Variants in STAT1 observed in about 807,000 individuals in gnomAD.
STAT1 encodes signal transducer and activator of transcription 1-alpha/beta.
Under a neutral mutation model 111.7 loss-of-function variants are expected in STAT1, and 24 were observed. The observed-to-expected ratio is 0.21, with a 90% CI of 0.16 to 0.30. STAT1 has a LOEUF of 0.30. Among genes scored for constraint, STAT1 ranks in the 10% least tolerant of loss-of-function variants. The pLI is 1.00. For synonymous variants in STAT1, 332 were observed against 326.5 expected, an observed-to-expected ratio of 1.02 and a Z score of -0.18; for missense variants, 351 against 911.9, an observed-to-expected ratio of 0.38 and a Z score of 7.92.
rs1351781914 is a variant in STAT1, at chr2:190,997,744, T to A, written c.785+112A>T. 52 of 1,497,098 alleles carry A rather than the reference T, an allele frequency of 3.5e-5. No individual in the cohort carries two copies. The highest frequency in any genetic ancestry group is 3.7e-6 in the Non-Finnish European group (4 of 1,087,626). 92.7% of individuals were successfully genotyped at this position (1,497,098 alleles called of 1,614,324 possible). A position where few individuals can be genotyped will look rare whatever the true frequency, so the allele number is the denominator to read the frequency against. On this transcript the variant is annotated intron_variant, in intron 9 of 24. Coordinates refer to ENST00000361099, the MANE Select transcript of STAT1 (RefSeq NM_007315.4). The surrounding 1 kb of genome is among the most constrained non-coding windows in gnomAD (Gnocchi z 7.3). Reference sequence around the variant, plus strand: ...AAGCAGAAGCTGGACTATGTCAAACTCTATACTAATGTTTTGACAGGGTCC... The same window carrying A: ...AAGCAGAAGCTGGACTATGTCAAACACTATACTAATGTTTTGACAGGGTCC...
In STAT1 at chr2:191,003,825, C is replaced by T. The variant is rs1224856010; in HGVS notation, c.373-2662G>A. On this transcript the variant is annotated intron_variant, in intron 5 of 24. Coordinates refer to ENST00000361099, the MANE Select transcript of STAT1 (RefSeq NM_007315.4). This position sits in a 1 kb window ranked among gnomAD's most constrained non-coding sequence, Gnocchi z 4.0. ...GCCAGCAGGATGTGGGCACGGTGTC[C>T]TGTGGGCTTTGTAACAGCTGGGACA... Among the ~76,000 whole-genome samples the T allele has an allele frequency of 6.6e-6, 1 of 152,152 alleles. No individual in the cohort carries two copies. Among genetic ancestry groups the T allele is most frequent in the East Asian group, 1.9e-4 (1 of 5,198 alleles).
Position 190,996,301 on chromosome 2 carries a change from T to C in STAT1, c.786-1082A>G, listed in dbSNP as rs930824408. Among the ~76,000 whole-genome samples the C allele has an allele frequency of 5.9e-5, 9 of 152,232 alleles. No homozygotes were observed. The highest frequency in any genetic ancestry group is 1.3e-4 in the Non-Finnish European group (9 of 68,034). ...AGAAGAAAACCTTTTAAAAGTGTCT[T>C]CTTCCCTGGGAAAAGTATCTACTTC... On this transcript the variant is annotated intron_variant, in intron 9 of 24. Coordinates refer to ENST00000361099, the MANE Select transcript of STAT1 (RefSeq NM_007315.4). The surrounding 1 kb of genome is among the most constrained non-coding windows in gnomAD (Gnocchi z 4.5).
Position 190,975,610 on chromosome 2 carries a change from CA to C in STAT1, c.2135+201del. The C allele has an allele frequency of 7.0e-7, 1 of 1,418,700 alleles. No homozygotes were observed. Among genetic ancestry groups the C allele is most frequent in the South Asian group, 1.5e-5 (1 of 66,342 alleles). 87.9% of individuals were successfully genotyped at this position (1,418,700 alleles called of 1,614,324 possible). On this transcript the variant is annotated intron_variant, in intron 23 of 24. Transcript: ENST00000361099. The surrounding 1 kb of genome is among the most constrained non-coding windows in gnomAD (Gnocchi z 5.9). ...TGGGAAAATTTATATACCTTAAATA[CA>C]AATTTGGTTTTTGGCTTTTTTTTTT...
rs1419444352 is a variant in STAT1, at chr2:191,003,164, A to G, written c.373-2001T>C. On this transcript the variant is annotated intron_variant, in intron 5 of 24. Transcript: ENST00000361099. This position sits in a 1 kb window ranked among gnomAD's most constrained non-coding sequence, Gnocchi z 4.0. ...CATAGGAAGTTTTCCTTCATGTTAC[A>G]TATTCTCCAACAGCAGAAGTTCAAA... Among the ~76,000 whole-genome samples the G allele has an allele frequency of 1.3e-5, 2 of 152,220 alleles. No individual in the cohort carries two copies. The highest frequency in any genetic ancestry group is 2.9e-5 in the Non-Finnish European group (2 of 68,042).
Position 190,987,424 on chromosome 2 carries a change from G to A in STAT1, c.1098-356C>T, listed in dbSNP as rs1054759427. Among the ~76,000 whole-genome samples, 2 of 152,206 alleles carry A rather than the reference G, an allele frequency of 1.3e-5. No homozygotes were observed. The highest frequency in any genetic ancestry group is 2.9e-5 in the Non-Finnish European group (2 of 68,040). On this transcript the variant is annotated intron_variant, in intron 12 of 24. Coordinates refer to ENST00000361099, the MANE Select transcript of STAT1 (RefSeq NM_007315.4). This position sits in a 1 kb window ranked among gnomAD's most constrained non-coding sequence, Gnocchi z 4.0. ...CAGCACCAGTACACCCTCAATAAATGTTTAAGCTATCGTTATTGTTTATTG... is the reference window on the plus strand; with the variant it reads ...CAGCACCAGTACACCCTCAATAAATATTTAAGCTATCGTTATTGTTTATTG...
In STAT1 at chr2:190,971,497, CA is replaced by C. The variant is rs1691459045; in HGVS notation, c.2239-781del. Among the ~76,000 whole-genome samples, 1 of 152,114 alleles carries C rather than the reference CA, an allele frequency of 6.6e-6. No homozygotes were observed. Among genetic ancestry groups the C allele is most frequent in the Non-Finnish European group, 1.5e-5 (1 of 68,018 alleles). ...AGCTCCCCACCCCACCAATCCCCAA[CA>C]AATAATTCTGAAGCCCCGAATACCA... On this transcript the variant is annotated intron_variant, in intron 24 of 24. Transcript: ENST00000361099. This position sits in a 1 kb window ranked among gnomAD's most constrained non-coding sequence, Gnocchi z 4.1.
Position 190,998,193 on chromosome 2 carries a change from C to G in STAT1, c.633+24G>C, listed in dbSNP as rs1339847680. 11 of 1,600,116 alleles carry G rather than the reference C, an allele frequency of 6.9e-6. No individual in the cohort carries two copies. The highest frequency in any genetic ancestry group is 1.7e-5 in the Admixed American group (1 of 59,996). Reference sequence around the variant, plus strand: ...TACAGTGTATAACAAAAGTGGCATGCTATTCTGGAAAGTAAATAACTACCT... The same window carrying G: ...TACAGTGTATAACAAAAGTGGCATGGTATTCTGGAAAGTAAATAACTACCT... On this transcript the variant is annotated intron_variant, in intron 8 of 24. Coordinates refer to ENST00000361099, the MANE Select transcript of STAT1 (RefSeq NM_007315.4). This position sits in a 1 kb window ranked among gnomAD's most constrained non-coding sequence, Gnocchi z 4.1.
intron 2 of STAT1, among the ~76,000 whole-genome samples, chr2:191,011,909 C>T (rs1252641368): frequency 6.6e-6 from 1 of 151,896 alleles, no homozygotes; most frequent in Non-Finnish European, 1.5e-5. Context: ...AGCCAAGAAG[C>T]CTGGCTAATT....
chr2:190,975,514 A>G lies in STAT1; in HGVS notation c.2135+298T>C, dbSNP rs1691838655. The G allele has an allele frequency of 8.1e-7, 1 of 1,231,120 alleles. No homozygotes were observed. The highest frequency in any genetic ancestry group is 3.8e-5 in the East Asian group (1 of 26,642). The allele number at this position is 1,231,120 out of a possible 1,614,324, so 76.3% of individuals were successfully genotyped here. A position where few individuals can be genotyped will look rare whatever the true frequency, so the allele number is the denominator to read the frequency against. On this transcript the variant is annotated intron_variant, in intron 23 of 24. Coordinates refer to ENST00000361099, the MANE Select transcript of STAT1 (RefSeq NM_007315.4). This position sits in a 1 kb window ranked among gnomAD's most constrained non-coding sequence, Gnocchi z 5.9. ...CATTACTTTGGCCTTTTCTAGATTG[A>G]AAAGAACTACTTTCCCACTCTGATC...
chr2:190,975,890 A>G lies in STAT1; in HGVS notation c.2060-3T>C. 6.2e-7 allele frequency: 1 copy of G among 1,610,820 alleles called. No individual in the cohort carries two copies. The highest frequency in any genetic ancestry group is 1.1e-5 in the South Asian group (1 of 91,006). ...ATCAAGTTCCATTGGCTCTGGTGCTAGAAATAAACACATTGTGTACGCTTT... is the reference window on the plus strand; with the variant it reads ...ATCAAGTTCCATTGGCTCTGGTGCTGGAAATAAACACATTGTGTACGCTTT... On this transcript the variant is annotated splice_region_variant and splice_polypyrimidine_tract_variant and intron_variant, in intron 22 of 24. Coordinates refer to ENST00000361099, the MANE Select transcript of STAT1 (RefSeq NM_007315.4). This position sits in a 1 kb window ranked among gnomAD's most constrained non-coding sequence, Gnocchi z 5.9.
rs1436696005 is a variant in STAT1 at position 191,006,591 on chromosome 2, G to A, written c.372+972C>T. Among the ~76,000 whole-genome samples, 1 of 152,186 alleles carries A rather than the reference G, an allele frequency of 6.6e-6. No individual in the cohort carries two copies. Among genetic ancestry groups the A allele is most frequent in the South Asian group, 2.1e-4 (1 of 4,834 alleles). Reference sequence around the variant, plus strand: ...GTTATTTGTTGGTGAAATGCACACAGGATGCATACTGTGTCCTCTGGCATC... The same window carrying A: ...GTTATTTGTTGGTGAAATGCACACAAGATGCATACTGTGTCCTCTGGCATC... On this transcript the variant is annotated intron_variant, in intron 5 of 24. Coordinates refer to ENST00000361099, the MANE Select transcript of STAT1 (RefSeq NM_007315.4). This position sits in a 1 kb window ranked among gnomAD's most constrained non-coding sequence, Gnocchi z 4.6.
rs563049662 is a variant in STAT1, at chr2:190,993,594, G to A, written c.944+1467C>T. The A allele has an allele frequency of 1.7e-5, 10 of 593,074 alleles. No homozygotes were observed. Among genetic ancestry groups the A allele is most frequent in the Non-Finnish European group, 3.0e-5 (9 of 305,046 alleles). 36.7% of individuals were successfully genotyped at this position (593,074 alleles called of 1,614,324 possible). On this transcript the variant is annotated intron_variant, in intron 10 of 24. Coordinates refer to ENST00000361099, the MANE Select transcript of STAT1 (RefSeq NM_007315.4). The surrounding 1 kb of genome is among the most constrained non-coding windows in gnomAD (Gnocchi z 4.1). ...TCACTGTAGCTGCCACCGCTGCCACGGCCACCCTTGCTGCTACAGCTGCTG... is the reference window on the plus strand; with the variant it reads ...TCACTGTAGCTGCCACCGCTGCCACAGCCACCCTTGCTGCTACAGCTGCTG...
At chr2:191,010,431 T>C in intron 2 of STAT1, 1 of 470,162 alleles carries the variant, frequency 2.1e-6, no homozygotes, top group Non-Finnish European at 4.4e-6. Context: ...GGTGGAGGAT[T>C]CTGTGCACTG....
At chr2:191,010,039 A>G in intron 2 of STAT1, 35 bp from the exon 3 acceptor site, 1 of 1,612,314 alleles carries the variant, frequency 6.2e-7, no homozygotes. Context: ...CTTTCTATGT[A>G]TATGGAAACC....
rs570155972 is a variant in STAT1, at chr2:191,013,786, C to A, written c.-155-108G>T. On this transcript the variant is annotated intron_variant, in intron 1 of 24. Transcript: ENST00000361099. ...TAGAGGAAAATTATATTTCACAAGT[C>A]CTCTTCACTGCCAGAGCACGACTGG... The A allele has an allele frequency of 4.8e-5, 19 of 397,610 alleles. No individual in the cohort carries two copies. The South Asian group carries it at 8.1e-4, about 17-fold the overall frequency. 24.6% of individuals were successfully genotyped at this position (397,610 alleles called of 1,614,324 possible). A position where few individuals can be genotyped will look rare whatever the true frequency, so the allele number is the denominator to read the frequency against.
chr2:190,970,246 T>G lies in STAT1; in HGVS notation c.*457A>C, dbSNP rs1691351822. 1 of 230,116 alleles carries G rather than the reference T, an allele frequency of 4.3e-6. No homozygotes were observed. The highest frequency in any genetic ancestry group is 6.1e-5 in the South Asian group (1 of 16,524). The allele number at this position is 230,116 out of a possible 1,614,324, so 14.3% of individuals were successfully genotyped here. A position where few individuals can be genotyped will look rare whatever the true frequency, so the allele number is the denominator to read the frequency against. On this transcript the variant is annotated 3_prime_UTR_variant, in exon 25 of 25. Transcript: ENST00000361099. This position sits in a 1 kb window ranked among gnomAD's most constrained non-coding sequence, Gnocchi z 5.4. ...CCAATGGAAAACTGCCAGTTACACT[T>G]AAAGCAAAGAAAACATGTAAGAATT...
In STAT1 at chr2:190,986,350, T is replaced by A. The variant is rs1189593014; in HGVS notation, c.1221+504A>T. 1.3e-5 allele frequency among the ~76,000 whole-genome samples: 2 copies of A among 152,110 alleles called. No homozygotes were observed. Among genetic ancestry groups the A allele is most frequent in the African/African-American group, 4.8e-5 (2 of 41,414 alleles). On this transcript the variant is annotated intron_variant, in intron 14 of 24. Coordinates refer to ENST00000361099, the MANE Select transcript of STAT1 (RefSeq NM_007315.4). This position sits in a 1 kb window ranked among gnomAD's most constrained non-coding sequence, Gnocchi z 5.0. ...AAAGATGGTGCACCCACACAGAGCA[T>A]CCTGCTGGGTCTCCACTGCCTGGGG...
Position 191,004,036 on chromosome 2 carries a change from G to A in STAT1, c.373-2873C>T, listed in dbSNP as rs1337994995. ...GAGATGCTTGGTGGAAAAACCTGGT[G>A]ACTGTGGCAGGGCCTAAGAAATCTC... On this transcript the variant is annotated intron_variant, in intron 5 of 24. Transcript: ENST00000361099. This position sits in a 1 kb window ranked among gnomAD's most constrained non-coding sequence, Gnocchi z 5.0. Among the ~76,000 whole-genome samples, 1 of 152,128 alleles carries A rather than the reference G, an allele frequency of 6.6e-6. No individual in the cohort carries two copies. The highest frequency in any genetic ancestry group is 1.9e-4 in the East Asian group (1 of 5,176).
In STAT1 at chr2:190,981,463, G is replaced by A. The variant is rs1358216652; in HGVS notation, c.1583-794C>T. 7.9e-5 allele frequency among the ~76,000 whole-genome samples: 12 copies of A among 152,216 alleles called. No individual in the cohort carries two copies. The highest frequency in any genetic ancestry group is 7.8e-4 in the Admixed American group (12 of 15,292). On this transcript the variant is annotated intron_variant, in intron 18 of 24. Coordinates refer to ENST00000361099, the MANE Select transcript of STAT1 (RefSeq NM_007315.4). This position sits in a 1 kb window ranked among gnomAD's most constrained non-coding sequence, Gnocchi z 4.1. ...AAAGCAGCCTGGGCGAGAAGAGGCG[G>A]TAAGCCCATTATCGGTCTTCAAAGA...
Sources: allele counts gnomAD v4.1 joint callset (sites outside exome capture counted in the v4.1 genomes callset), GRCh38; gene constraint gnomAD v4.1.1; non-coding constraint Gnocchi (gnomAD v3.1); transcripts MANE v1.5; gene names NCBI Gene and HGNC (gene_info 2026-07-23, HGNC 2026-07-21).